Variants in MSL1 observed in about 807,000 individuals in gnomAD.
MSL1 encodes the protein male-specific lethal 1 homolog.
In MSL1, 21 loss-of-function variants were observed where a neutral mutation model predicts 64.6. The ratio of observed to expected loss-of-function variants is 0.33; its 90% CI spans 0.23 to 0.47. The LOEUF (loss-of-function observed/expected upper bound fraction) is 0.47. Ranked by LOEUF, MSL1 falls within the 20% of genes least tolerant of loss-of-function variation. MSL1 has a pLI of 1.00. For synonymous variants in MSL1, 339 were observed against 329.6 expected, an observed-to-expected ratio of 1.03 and a Z score of -0.31; for missense variants, 664 against 793.2, an observed-to-expected ratio of 0.84 and a Z score of 1.96.
rs371115091 is a variant in MSL1, at chr17:40,133,585, C to T, written c.1608C>T (p.Leu536=). The T allele has an allele frequency of 3.7e-6, 6 of 1,612,692 alleles. No homozygotes were observed. The highest frequency in any genetic ancestry group is 8.5e-7 in the Non-Finnish European group (1 of 1,179,322). The part of the protein sequence containing the change: ...REQRILQRLQ[L]RMYKKKGIQE... The stretch of plus-strand genomic sequence containing the variant: ...AAAGAATTTTACAGCGACTGCAGCT[C>T]AGAATGTATAAAAAGAAAGGAATTC... Residue 536 remains leucine, a synonymous_variant, in exon 7 of 9, where the codon CTC becomes CTT. Transcript: ENST00000398532.
In MSL1 at chr17:40,131,464, C is replaced by T; in HGVS notation, c.1376-73C>T. On this transcript the variant is annotated intron_variant, in intron 3 of 8. Coordinates refer to ENST00000398532, the MANE Select transcript of MSL1 (RefSeq NM_001365919.1). This position sits in a 1 kb window ranked among gnomAD's most constrained non-coding sequence, Gnocchi z 4.5. ...TCCTAGTGAGAACTTCAGTGATGAT[C>T]CTTTCCTCCATTTGGGGTATGGGCT... 1.5e-6 allele frequency: 2 copies of T among 1,377,464 alleles called. No individual in the cohort carries two copies. Among genetic ancestry groups the T allele is most frequent in the Admixed American group, 1.7e-5 (1 of 57,832 alleles). 85.3% of individuals were successfully genotyped at this position (1,377,464 alleles called of 1,614,324 possible). A position where few individuals can be genotyped will look rare whatever the true frequency, so the allele number is the denominator to read the frequency against.
chr17:40,129,151 A>G (rs1344142400), intron 2 of MSL1, 94 bp from the exon 3 acceptor site: 1 of 1,132,016 alleles, frequency 8.8e-7, no homozygotes, highest in South Asian at 1.7e-5. Flanking sequence ...TTGGGGCAAA[A>G]GAACCAGCTT....
Position 40,133,628 on chromosome 17 carries a change from G to A in MSL1, c.1651G>A (p.Val551Ile). 1.2e-6 allele frequency: 2 copies of A among 1,613,726 alleles called. No individual in the cohort carries two copies. The highest frequency in any genetic ancestry group is 1.7e-6 in the Non-Finnish European group (2 of 1,179,766). Residue 551 changes from valine (V) to isoleucine (I), a missense_variant, in exon 7 of 9, where the codon GTT (valine) becomes ATT (isoleucine). Around this residue, in one of 4 missense-constraint regions of MSL1, gnomAD observed 76 missense variants for 98.5 expected, o/e 0.77. Coordinates refer to ENST00000398532, the MANE Select transcript of MSL1 (RefSeq NM_001365919.1). Reference protein sequence around the residue: ...KKGIQESEPEVTSFFPEPDDV... With the variant: ...KKGIQESEPEITSFFPEPDDV... ...AGGAATTCAGGAATCTGAGCCTGAG[G>A]TTACCTCATTTTTCCCTGAGCCAGA...
At position 40,122,161 on chromosome 17, in the gene MSL1, C is replaced by T. The variant is rs887699250; in HGVS notation, c.-452C>T. 2 of 150,942 alleles carry T rather than the reference C, an allele frequency of 1.3e-5. No homozygotes were observed. The highest frequency in any genetic ancestry group is 1.3e-4 in the Admixed American group (2 of 15,238). The allele number at this position is 150,942 out of a possible 1,614,324, so 9.4% of individuals were successfully genotyped here. Reference sequence around the variant, plus strand: ...TTTGGGCGGACCCAGCCCTCCACCCCCTCCTGAGGAGGAGGGGGGGGAAAT... The same window carrying T: ...TTTGGGCGGACCCAGCCCTCCACCCTCTCCTGAGGAGGAGGGGGGGGAAAT... On this transcript the variant is annotated 5_prime_UTR_variant, in exon 1 of 9. Coordinates refer to ENST00000398532, the MANE Select transcript of MSL1 (RefSeq NM_001365919.1). This position sits in a 1 kb window ranked among gnomAD's most constrained non-coding sequence, Gnocchi z 4.2.
At chr17:40,132,731 T>G (rs769462706) in intron 5 of MSL1, among the ~76,000 whole-genome samples, 3 of 152,228 alleles carry the variant, frequency 2.0e-5, no homozygotes, top group Non-Finnish European at 2.9e-5. Context: ...AAAGTCAGAC[T>G]CTTACAAAGT....
Position 40,122,759 on chromosome 17 carries a change from C to T in MSL1, c.147C>T (p.His49=). ...GAAEAHFLPR[H]RKLKEPGPPL... ...CCGAAGCCCACTTCCTCCCCCGGCA[C>T]CGTAAGCTCAAGGAGCCGGGGCCCC... Residue 49 remains histidine, a synonymous_variant, in exon 1 of 9, where the codon CAC becomes CAT. Transcript: ENST00000398532. This position sits in a 1 kb window ranked among gnomAD's most constrained non-coding sequence, Gnocchi z 4.2. The T allele has an allele frequency of 7.1e-7, 1 of 1,417,612 alleles. No homozygotes were observed. Among genetic ancestry groups the T allele is most frequent in the Non-Finnish European group, 9.1e-7 (1 of 1,094,344 alleles). 87.8% of individuals were successfully genotyped at this position (1,417,612 alleles called of 1,614,324 possible).
intron 3 of MSL1, chr17:40,130,859 T>C (rs539852823): frequency 1.3e-5 from 2 of 152,180 alleles, no homozygotes; most frequent in Non-Finnish European, 2.9e-5. Context: ...CCATCCGGGA[T>C]TGGGTAATGG....
At chr17:40,128,016 G>C (rs1347090520) in intron 2 of MSL1, among the ~76,000 whole-genome samples, 1 of 152,092 alleles carries the variant, frequency 6.6e-6, no homozygotes, top group East Asian at 1.9e-4. Flanking sequence ...CAGCTACTTG[G>C]GAGGCTGAGG....
chr17:40,126,482 G>A, intron 2 of MSL1, 76 bp downstream of exon 2: 1 of 1,350,936 alleles, frequency 7.4e-7, no homozygotes, highest in Non-Finnish European at 1.0e-6. Flanking sequence ...TTATGAATTG[G>A]TTTTATAGCA....
Position 40,123,217 on chromosome 17 carries a change from TGAG to T in MSL1, c.608_610del (p.Arg203del). 6.5e-7 allele frequency: 1 copy of T among 1,535,432 alleles called. No individual in the cohort carries two copies. The highest frequency in any genetic ancestry group is 8.7e-7 in the Non-Finnish European group (1 of 1,146,792). On this transcript the variant is annotated inframe_deletion, in exon 1 of 9. Transcript: ENST00000398532. ...GCCAGCGAGGGCAGATGGAAGAGTA[TGAG>T]GAAGAGCCCTCTCGGGGGTGGTGGC...
chr17:40,122,714 C>G lies in MSL1; in HGVS notation c.102C>G (p.Pro34=), dbSNP rs1217014728. Residue 34 remains proline (P), a synonymous_variant, in exon 1 of 9, where the codon CCC becomes CCG. Transcript: ENST00000398532. This position sits in a 1 kb window ranked among gnomAD's most constrained non-coding sequence, Gnocchi z 4.2. ...AGCGGGCTGCGGCGCTGGGCGGGCC[C>G]GAGGACGAGCCTGGGGCGGCCGAAG... ...DYERAAALGG[P]EDEPGAAEAH... is the part of the protein sequence containing the mutation. The G allele has an allele frequency of 1.4e-6, 2 of 1,478,786 alleles. No homozygotes were observed. The highest frequency in any genetic ancestry group is 1.3e-5 in the South Asian group (1 of 77,978). 91.6% of individuals were successfully genotyped at this position (1,478,786 alleles called of 1,614,324 possible).
rs1394263106 is a variant in MSL1 at position 40,122,524 on chromosome 17, C to T, written c.-89C>T. The T allele has an allele frequency of 2.5e-5, 23 of 908,510 alleles. No individual in the cohort carries two copies. In the African/African-American group the frequency reaches 3.3e-4, roughly 13 times the overall value. 56.3% of individuals were successfully genotyped at this position (908,510 alleles called of 1,614,324 possible). A position where few individuals can be genotyped will look rare whatever the true frequency, so the allele number is the denominator to read the frequency against. On this transcript the variant is annotated 5_prime_UTR_variant, in exon 1 of 9. Transcript: ENST00000398532. The surrounding 1 kb of genome is among the most constrained non-coding windows in gnomAD (Gnocchi z 4.2). ...TGCTGAGGCGAGCCCGCCAAACTCC[C>T]CTCCCCCCCCTCAGTCCTCGACCCC...
rs1287019350 is a variant in MSL1 at position 40,123,150 on chromosome 17, C to T, written c.538C>T (p.Pro180Ser). The T allele has an allele frequency of 1.3e-5, 20 of 1,533,580 alleles. No individual in the cohort carries two copies. Among genetic ancestry groups the T allele is most frequent in the South Asian group, 3.6e-5 (3 of 83,934 alleles). 95.0% of individuals were successfully genotyped at this position (1,533,580 alleles called of 1,614,324 possible). A position where few individuals can be genotyped will look rare whatever the true frequency, so the allele number is the denominator to read the frequency against. Residue 180 changes from proline (P) to serine (S), a missense_variant, in exon 1 of 9, where the codon CCG (proline) becomes TCG (serine). This residue lies in a region of MSL1 where 466 missense variants were observed against 499.0 expected (regional missense o/e 0.93). Transcript: ENST00000398532. ...ACCCCCACCACTACCTCTGCCCGGG[C>T]CGCCACCCCTCGCGCCCACCGCCAC... ...AGPPPLPLPG[P>S]PPLAPTATAG...
rs1456511504 is a variant in MSL1 at position 40,136,421 on chromosome 17, GAGA to G, written c.*2055_*2057del. ...AATTCTCCTTTGATTTGACTTTGTT[GAGA>G]AGGAGGTTGGACAGTAGATTAGCAA... On this transcript the variant is annotated 3_prime_UTR_variant, in exon 9 of 9. Coordinates refer to ENST00000398532, the MANE Select transcript of MSL1 (RefSeq NM_001365919.1). 6.6e-6 allele frequency: 1 copy of G among 152,294 alleles called. No homozygotes were observed. Among genetic ancestry groups the G allele is most frequent in the African/African-American group, 2.4e-5 (1 of 41,428 alleles). 9.4% of individuals were successfully genotyped at this position (152,294 alleles called of 1,614,324 possible).
intron 1 of MSL1, 123 bp downstream of exon 1, chr17:40,123,503 A>G (rs1988241436): frequency 1.6e-5 from 14 of 888,568 alleles, no homozygotes; most frequent in Non-Finnish European, 2.4e-5. Context: ...CCACCGGCAA[A>G]GGAGTATCTT....
Position 40,122,622 on chromosome 17 carries a change from A to T in MSL1, c.10A>T (p.Arg4Ter). ...GCTGCTCCGGACCACTATGACCATG[A>T]GATCCGCGGTGTTCAAGGCGGCCGC... MTM[R>*]SAVFKAAAAP... The change falls in exon 1 of 9, where the codon AGA becomes TGA. Residue 4 changes from arginine to a stop codon, truncating the protein, a stop_gained. Coordinates refer to ENST00000398532, the MANE Select transcript of MSL1 (RefSeq NM_001365919.1). LOFTEE classifies it high-confidence loss of function. The surrounding 1 kb of genome is among the most constrained non-coding windows in gnomAD (Gnocchi z 4.2). 6.8e-7 allele frequency: 1 copy of T among 1,477,744 alleles called. No homozygotes were observed. Among genetic ancestry groups the T allele is most frequent in the African/African-American group, 1.5e-5 (1 of 67,788 alleles). The allele number at this position is 1,477,744 out of a possible 1,614,324, so 91.5% of individuals were successfully genotyped here.
In MSL1 at chr17:40,123,122, G is replaced by A; in HGVS notation, c.510G>A (p.Ala170=). The A allele has an allele frequency of 6.5e-7, 1 of 1,531,894 alleles. No homozygotes were observed. The highest frequency in any genetic ancestry group is 2.0e-5 in the Admixed American group (1 of 50,572). 94.9% of individuals were successfully genotyped at this position (1,531,894 alleles called of 1,614,324 possible). A position where few individuals can be genotyped will look rare whatever the true frequency, so the allele number is the denominator to read the frequency against. ...CCGCTGCCACCGCCTCGGACCCGGC[G>A]GGACCCCCACCACTACCTCTGCCCG... ...ASPAATASDP[A]GPPPLPLPGP... Residue 170 remains alanine, a synonymous_variant, in exon 1 of 9, where the codon GCG becomes GCA. Transcript: ENST00000398532.
In MSL1 at chr17:40,135,325, T is replaced by G. The variant is rs1988519445; in HGVS notation, c.*956T>G. On this transcript the variant is annotated 3_prime_UTR_variant, in exon 9 of 9. Transcript: ENST00000398532. ...CAAACAGATGTACCTAATGAGCTTCTCCATTCACTTTGTAAAAATAATTTG... is the reference window on the plus strand; with the variant it reads ...CAAACAGATGTACCTAATGAGCTTCGCCATTCACTTTGTAAAAATAATTTG... 6.6e-6 allele frequency: 1 copy of G among 152,300 alleles called. No homozygotes were observed. The highest frequency in any genetic ancestry group is 2.1e-4 in the South Asian group (1 of 4,826). The allele number at this position is 152,300 out of a possible 1,614,324, so 9.4% of individuals were successfully genotyped here. A position where few individuals can be genotyped will look rare whatever the true frequency, so the allele number is the denominator to read the frequency against.
At chr17:40,126,444 C>T (rs1352542968) in intron 2 of MSL1, 38 bp downstream of exon 2, 6 of 1,549,714 alleles carry the variant, frequency 3.9e-6, no homozygotes, top group Non-Finnish European at 5.3e-6. Flanking sequence ...ACCCTTGTTA[C>T]CAGTGATTGA....
Sources: gnomAD v4.1 joint callset for allele counts (sites outside exome capture counted in the v4.1 genomes callset) on GRCh38, gnomAD v4.1.1 for gene constraint, gnomAD v4.1.1 regional missense constraint, Gnocchi (gnomAD v3.1) non-coding constraint, MANE v1.5 for transcripts, NCBI Gene and HGNC (gene_info 2026-07-23, HGNC 2026-07-21) for gene names.